The following GNA14 variants were observed in gnomAD, a reference collection of about 807,000 sequenced individuals.
The protein encoded by GNA14 is guanine nucleotide-binding protein subunit alpha-14.
Under a neutral mutation model 42.0 loss-of-function variants are expected in GNA14, and 50 were observed. The ratio of observed to expected loss-of-function variants is 1.19; its 90% CI spans 0.95 to 1.51. The LOEUF is 1.51. GNA14 is among the 40% of genes most tolerant of loss of function. The pLI, the probability that GNA14 is intolerant of heterozygous loss-of-function variation, is 0.00. For synonymous variants in GNA14, 173 were observed against 163.1 expected (o/e 1.06, Z -0.46); for missense variants, 473 against 446.2 (o/e 1.06, Z -0.54).
chr9:77,588,469 C>T (rs933373374), intron 1 of GNA14, among the ~76,000 whole-genome samples: 7 of 152,116 alleles, frequency 4.6e-5, no homozygotes, highest in Non-Finnish European at 7.3e-5. Flanking sequence ...TCACATTTAG[C>T]ACAATGCTTT....
intron 2 of GNA14, among the ~76,000 whole-genome samples, chr9:77,509,271 G>C (rs1837121613): frequency 6.6e-6 from 1 of 152,180 alleles, no homozygotes; most frequent in South Asian, 2.1e-4. Context: ...TGTGGTATGT[G>C]TCAGAATTTC....
chr9:77,460,228 G>C (rs1028720548), intron 2 of GNA14, among the ~76,000 whole-genome samples: 1 of 152,214 alleles, frequency 6.6e-6, no homozygotes, highest in Non-Finnish European at 1.5e-5. Flanking sequence ...CAAATCCAAT[G>C]AGAGTGCCTG....
At chr9:77,646,439 C>G (rs564743706) in intron 1 of GNA14, among the ~76,000 whole-genome samples, 2 of 151,984 alleles carry the variant, frequency 1.3e-5, no homozygotes, top group South Asian at 2.1e-4. Context: ...GGGGCACACC[C>G]CCCCCCAACC....
chr9:77,518,583 C>G (rs1223974306), intron 2 of GNA14, among the ~76,000 whole-genome samples: 1 of 152,186 alleles, frequency 6.6e-6, no homozygotes, highest in African/African-American at 2.4e-5. Flanking sequence ...AGGAAGGCAG[C>G]TAACTTAGAG....
chr9:77,505,857 CT>C (rs935314523), intron 2 of GNA14, among the ~76,000 whole-genome samples: 1 of 151,984 alleles, frequency 6.6e-6, no homozygotes, highest in Non-Finnish European at 1.5e-5. Flanking sequence ...ATATATTTTC[CT>C]TTTTTTGGTT....
At chr9:77,635,216 G>T (rs932541011) in intron 1 of GNA14, 2 of 152,096 alleles carry the variant, frequency 1.3e-5, no homozygotes, top group Non-Finnish European at 2.9e-5. Flanking sequence ...AATATGGAAT[G>T]CTTCATGAAT....
At chr9:77,619,453 A>C (rs1823888188) in intron 1 of GNA14, among the ~76,000 whole-genome samples, 1 of 151,948 alleles carries the variant, frequency 6.6e-6, no homozygotes, top group African/African-American at 2.4e-5. Flanking sequence ...CACCCTGCTC[A>C]GCCTCCCAAA....
chr9:77,505,086 C>G (rs1165358349), intron 2 of GNA14, among the ~76,000 whole-genome samples: 3 of 152,084 alleles, frequency 2.0e-5, no homozygotes, highest in Non-Finnish European at 2.9e-5. Flanking sequence ...AACTGGAGAA[C>G]TGATGAATAA....
At chr9:77,451,501 A>G (rs1307763371) in intron 2 of GNA14, among the ~76,000 whole-genome samples, 1 of 152,152 alleles carries the variant, frequency 6.6e-6, no homozygotes, top group Non-Finnish European at 1.5e-5. Flanking sequence ...GGGTGAGGCT[A>G]TTCTAGGATG....
chr9:77,647,966 C>T lies in GNA14; in HGVS notation c.-173G>A. On this transcript the variant is annotated 5_prime_UTR_variant, in exon 1 of 7. Coordinates refer to ENST00000341700, the MANE Select transcript of GNA14 (RefSeq NM_004297.4). ...GGACCTCCGAGGCTCAATCCCCCTT[C>T]GAAAGTCGGCTCTGAGGCGGGGTGA... 1.4e-6 allele frequency: 1 copy of T among 709,174 alleles called. No homozygotes were observed. The highest frequency in any genetic ancestry group is 3.0e-5 in the East Asian group (1 of 33,042). 43.9% of individuals were successfully genotyped at this position (709,174 alleles called of 1,614,324 possible).
At chr9:77,608,288 T>C (rs1823670602) in intron 1 of GNA14, among the ~76,000 whole-genome samples, 1 of 152,242 alleles carries the variant, frequency 6.6e-6, no homozygotes, top group Non-Finnish European at 1.5e-5. Flanking sequence ...GCATCATCAA[T>C]GGATTTTGAA....
At chr9:77,609,582 C>T (rs1472963844) in intron 1 of GNA14, among the ~76,000 whole-genome samples, 2 of 152,202 alleles carry the variant, frequency 1.3e-5, no homozygotes, top group African/African-American at 4.8e-5. Context: ...AACAAAATAC[C>T]AGTCTAGGTG....
intron 2 of GNA14, among the ~76,000 whole-genome samples, chr9:77,436,829 C>A (rs1835645773): frequency 6.6e-6 from 1 of 152,212 alleles, no homozygotes; most frequent in South Asian, 2.1e-4. Flanking sequence ...TAGGCGCATT[C>A]AGTAAACATC....
At chr9:77,561,177 C>T (rs1822877070) in intron 1 of GNA14, among the ~76,000 whole-genome samples, 1 of 152,116 alleles carries the variant, frequency 6.6e-6, no homozygotes, top group African/African-American at 2.4e-5. Flanking sequence ...TAAATTGTCC[C>T]CTCTAGACCT....
At chr9:77,588,618 G>A (rs1010749093) in intron 1 of GNA14, among the ~76,000 whole-genome samples, 1 of 152,138 alleles carries the variant, frequency 6.6e-6, no homozygotes, top group Admixed American at 6.5e-5. Flanking sequence ...GAACAGAGAG[G>A]AGCAAGGAAG....
intron 1 of GNA14, among the ~76,000 whole-genome samples, chr9:77,587,919 G>T (rs1188195330): frequency 6.6e-6 from 1 of 152,140 alleles, no homozygotes; most frequent in African/African-American, 2.4e-5. Flanking sequence ...GGCTCTAAGG[G>T]AGGCTTCATT....
At chr9:77,560,047 T>C (rs935030370) in intron 1 of GNA14, among the ~76,000 whole-genome samples, 2 of 152,302 alleles carry the variant, frequency 1.3e-5, no homozygotes, top group African/African-American at 4.8e-5. Context: ...AACTATGTGA[T>C]GCCAGAGCTT....
At chr9:77,633,605 A>G (rs1824132844) in intron 1 of GNA14, among the ~76,000 whole-genome samples, 1 of 146,118 alleles carries the variant, frequency 6.8e-6, no homozygotes, top group South Asian at 2.1e-4. Context: ...AGGGAATGAT[A>G]GATAAATTTA....
At chr9:77,493,729 C>G (rs920772200) in intron 2 of GNA14, among the ~76,000 whole-genome samples, 4 of 151,974 alleles carry the variant, frequency 2.6e-5, no homozygotes, top group Non-Finnish European at 5.9e-5. Flanking sequence ...GAGAAAAGCT[C>G]TTTGGGTTAT....
Sources: gnomAD v4.1 joint callset for allele counts (sites outside exome capture counted in the v4.1 genomes callset) on GRCh38, gnomAD v4.1.1 for gene constraint, MANE v1.5 for transcripts, NCBI Gene and HGNC (gene_info 2026-07-23, HGNC 2026-07-21) for gene names.